The following L3MBTL4 variants were observed in gnomAD, a reference collection of about 807,000 sequenced individuals.
L3MBTL4 encodes the protein lethal(3)malignant brain tumor-like protein 4.
L3MBTL4 carries 70 observed loss-of-function variants against 84.5 expected under a neutral mutation model. That is an observed-to-expected ratio of 0.83 (90% CI 0.68 to 1.01). L3MBTL4 has a LOEUF of 1.01. Among genes scored for constraint, L3MBTL4 ranks in the 50% least tolerant of loss-of-function variants. The pLI, the probability that L3MBTL4 is intolerant of heterozygous loss-of-function variation, is 0.00. For missense variants in L3MBTL4, 715 were observed against 754.8 expected (o/e 0.95, Z 0.62); for synonymous variants, 274 against 259.8 (o/e 1.05, Z -0.52).
chr18:6,299,166 G>A (rs765598832), intron 4 of L3MBTL4, among the ~76,000 whole-genome samples: 1 of 152,156 alleles, frequency 6.6e-6, no homozygotes, highest in Non-Finnish European at 1.5e-5. Context: ...TCTTAGTTAA[G>A]TTTTTAGAAT....
intron 14 of L3MBTL4, among the ~76,000 whole-genome samples, chr18:6,110,916 A>T (rs190559421): frequency 6.6e-6 from 1 of 152,240 alleles, no homozygotes; most frequent in East Asian, 1.9e-4. Context: ...GCCCATTTCC[A>T]GCTGGTCTCA....
At chr18:6,243,537 G>A in intron 6 of L3MBTL4, 108 bp from the exon 7 acceptor site, 1 of 822,480 alleles carries the variant, frequency 1.2e-6, no homozygotes. Flanking sequence ...ACATATAAGA[G>A]CCAACCCTTC....
chr18:5,963,394 G>A (rs1037883274), intron 17 of L3MBTL4, among the ~76,000 whole-genome samples: 4 of 152,136 alleles, frequency 2.6e-5, no homozygotes, highest in Admixed American at 2.6e-4. Flanking sequence ...TTTTTTAAAG[G>A]GAATAAATAA....
At chr18:6,289,113 AG>A (rs1172474370) in intron 4 of L3MBTL4, among the ~76,000 whole-genome samples, 1 of 152,100 alleles carries the variant, frequency 6.6e-6, no homozygotes, top group Admixed American at 6.5e-5. Flanking sequence ...TTTTAAAAAG[AG>A]AAAAATTGTA....
chr18:6,369,939 G>A (rs978402803), intron 1 of L3MBTL4, among the ~76,000 whole-genome samples: 1 of 152,088 alleles, frequency 6.6e-6, no homozygotes, highest in Non-Finnish European at 1.5e-5. Context: ...TTTGAGACCA[G>A]CCTGGCCAAC....
At chr18:6,186,000 TTA>T (rs1418754425) in intron 12 of L3MBTL4, among the ~76,000 whole-genome samples, 94 of 149,282 alleles carry the variant, frequency 6.3e-4, no homozygotes, top group African/African-American at 2.3e-3. Context: ...TTTTATTATT[TTA>T]TATTTTATTT....
intron 16 of L3MBTL4, among the ~76,000 whole-genome samples, chr18:6,019,059 G>A (rs1452375163): frequency 6.6e-6 from 1 of 152,186 alleles, no homozygotes; most frequent in African/African-American, 2.4e-5. Context: ...AAAGGGAGAT[G>A]CATGGATATT....
intron 1 of L3MBTL4, among the ~76,000 whole-genome samples, chr18:6,373,218 A>G (rs2054229710): frequency 6.6e-6 from 1 of 152,212 alleles, no homozygotes; most frequent in African/African-American, 2.4e-5. Flanking sequence ...TGTCTCTGCA[A>G]CCTCATCCGT....
chr18:6,299,245 A>G (rs957171519), intron 4 of L3MBTL4, among the ~76,000 whole-genome samples: 1 of 152,214 alleles, frequency 6.6e-6, no homozygotes, highest in African/African-American at 2.4e-5. Flanking sequence ...TGACTATGTC[A>G]GGGAAAATCT....
chr18:6,387,271 T>C (rs2054863461), intron 1 of L3MBTL4, among the ~76,000 whole-genome samples: 5 of 152,204 alleles, frequency 3.3e-5, no homozygotes, highest in Non-Finnish European at 7.3e-5. Flanking sequence ...TTCCCTTGCC[T>C]ACAAAGTGAA....
intron 1 of L3MBTL4, among the ~76,000 whole-genome samples, chr18:6,321,002 T>C (rs145438159): frequency 1.2e-3 from 190 of 152,210 alleles, no homozygotes; most frequent in Non-Finnish European, 2.4e-3. Context: ...ATTTAATAAA[T>C]GGTGCTGGGA....
At chr18:6,282,060 C>T (rs1381380662) in intron 4 of L3MBTL4, among the ~76,000 whole-genome samples, 3 of 152,120 alleles carry the variant, frequency 2.0e-5, no homozygotes, top group Admixed American at 6.5e-5. Context: ...TATGGGATAG[C>T]GTCCAACCAG....
chr18:6,301,806 TTTAA>T, intron 4 of L3MBTL4, 93 bp downstream of exon 4: 1 of 898,704 alleles, frequency 1.1e-6, no homozygotes, highest in Admixed American at 1.7e-5. Context: ...TATCACATAT[TTTAA>T]TTAATAAACC....
At chr18:6,014,822 C>G (rs2054890814) in intron 16 of L3MBTL4, among the ~76,000 whole-genome samples, 1 of 152,058 alleles carries the variant, frequency 6.6e-6, no homozygotes, top group African/African-American at 2.4e-5. Flanking sequence ...ATCTGACTTT[C>G]AAAAATGTCA....
chr18:6,102,612 T>C (rs1241204957), intron 14 of L3MBTL4, among the ~76,000 whole-genome samples: 1 of 152,230 alleles, frequency 6.6e-6, no homozygotes, highest in Non-Finnish European at 1.5e-5. Flanking sequence ...TTTAGCCCAC[T>C]GGGCTCCTGG....
At chr18:6,123,164 A>G (rs1460064596) in intron 14 of L3MBTL4, among the ~76,000 whole-genome samples, 1 of 152,198 alleles carries the variant, frequency 6.6e-6, no homozygotes, top group Admixed American at 6.5e-5. Flanking sequence ...TACATTTGGA[A>G]TATAGATCCT....
intron 14 of L3MBTL4, among the ~76,000 whole-genome samples, chr18:6,125,531 C>T (rs9947547): frequency 0.016 from 2,404 of 152,234 alleles, 70 homozygotes; most frequent in African/African-American, 0.055. Flanking sequence ...TGGGCTCAGG[C>T]GATCCTCCCA....
chr18:6,122,768 C>A (rs901619020), intron 14 of L3MBTL4, among the ~76,000 whole-genome samples: 2 of 152,178 alleles, frequency 1.3e-5, no homozygotes, highest in African/African-American at 4.8e-5. Context: ...TAGCCATTAT[C>A]TTTAAAGAAT....
chr18:6,032,052 A>G (rs1200645513), intron 16 of L3MBTL4: 2 of 198,392 alleles, frequency 1.0e-5, no homozygotes, highest in Admixed American at 6.5e-5. Context: ...ATCTCAGGTC[A>G]GTGTAATCTC....
Sources: allele counts gnomAD v4.1 joint callset (sites outside exome capture counted in the v4.1 genomes callset), GRCh38; gene constraint gnomAD v4.1.1; transcripts MANE v1.5; gene names NCBI Gene and HGNC (gene_info 2026-07-23, HGNC 2026-07-21).